The following TMEM74 variants were observed in gnomAD, a reference collection of about 807,000 sequenced individuals.
TMEM74 encodes the protein transmembrane protein 74.
TMEM74 carries 13 observed loss-of-function variants against 18.1 expected under a neutral mutation model. That is an observed-to-expected ratio of 0.72 (90% CI 0.47 to 1.14). TMEM74 has a LOEUF of 1.14. Ranked by LOEUF, TMEM74 falls within the 50% of genes most tolerant of loss-of-function variation. The probability of loss-of-function intolerance (pLI) is 0.00; values close to 1 mark genes in which losing one functional copy is unlikely to be tolerated. For missense variants in TMEM74, 372 were observed against 375.9 expected (o/e 0.99, Z 0.09); for synonymous variants, 159 against 146.6 (o/e 1.08, Z -0.61).
intron 1 of TMEM74, among the ~76,000 whole-genome samples, chr8:108,752,851 T>C (rs2130654039): frequency 1.3e-5 from 2 of 152,246 alleles, no homozygotes; most frequent in Middle Eastern, 6.8e-3. Flanking sequence ...AGAAATGTCT[T>C]TCTTGTCAGT....
intron 1 of TMEM74, among the ~76,000 whole-genome samples, chr8:108,760,845 C>A (rs1219517144): frequency 1.3e-5 from 2 of 151,854 alleles, no homozygotes; most frequent in African/African-American, 2.4e-5. Flanking sequence ...ATCTGCCAGG[C>A]AGAAGGGAAA....
chr8:108,629,753 G>T (rs1451152292), intron 2 of TMEM74, among the ~76,000 whole-genome samples: 1 of 151,964 alleles, frequency 6.6e-6, no homozygotes, highest in Admixed American at 6.6e-5. Flanking sequence ...AAGCAAAGGA[G>T]AAATAAAATC....
chr8:108,665,830 T>C (rs1393695865), intron 1 of TMEM74, among the ~76,000 whole-genome samples: 1 of 152,144 alleles, frequency 6.6e-6, no homozygotes. Flanking sequence ...ATGGAGAAGT[T>C]GTTCTAAAGG....
chr8:108,733,017 A>G (rs1813711079), intron 1 of TMEM74, among the ~76,000 whole-genome samples: 1 of 152,144 alleles, frequency 6.6e-6, no homozygotes, highest in Non-Finnish European at 1.5e-5. Context: ...CATTTTAGAG[A>G]ATGTGGAGCA....
intron 1 of TMEM74, among the ~76,000 whole-genome samples, chr8:108,755,690 C>A (rs1405311655): frequency 6.6e-6 from 1 of 151,948 alleles, no homozygotes; most frequent in Non-Finnish European, 1.5e-5. Context: ...ATTGTGAATT[C>A]TGATAATGAT....
intron 2 of TMEM74, among the ~76,000 whole-genome samples, chr8:108,636,523 T>A (rs1812607861): frequency 6.6e-6 from 1 of 152,068 alleles, no homozygotes; most frequent in South Asian, 2.1e-4. Context: ...TTAATTCAAC[T>A]CTCCTTGGGA....
intron 1 of TMEM74, among the ~76,000 whole-genome samples, chr8:108,728,007 A>G (rs1213988885): frequency 1.3e-5 from 2 of 152,236 alleles, no homozygotes; most frequent in Non-Finnish European, 2.9e-5. Flanking sequence ...GGAGTTAGCA[A>G]TGCAGAGTCA....
chr8:108,695,632 C>A (rs893491299), intron 1 of TMEM74, among the ~76,000 whole-genome samples: 1 of 152,184 alleles, frequency 6.6e-6, no homozygotes, highest in African/African-American at 2.4e-5. Flanking sequence ...TAGCCCATTA[C>A]AAAGCCCATG....
At chr8:108,670,935 A>C (rs1011423644) in intron 1 of TMEM74, among the ~76,000 whole-genome samples, 1 of 152,204 alleles carries the variant, frequency 6.6e-6, no homozygotes, top group African/African-American at 2.4e-5. Context: ...AATTGTGCTC[A>C]TTAATAATAA....
intron 1 of TMEM74, among the ~76,000 whole-genome samples, 182 bp from the exon 2 acceptor site, chr8:108,785,319 C>T (rs1814371359): frequency 6.6e-6 from 1 of 152,192 alleles, no homozygotes; most frequent in Admixed American, 6.5e-5. Flanking sequence ...GGGACAAATG[C>T]TCTCACTTGT....
At chr8:108,777,985 A>G (rs182088910), downstream of TMEM74, among the ~76,000 whole-genome samples, 99 of 151,996 alleles carry the variant, frequency 6.5e-4, no homozygotes, top group Admixed American at 1.4e-3. Context: ...AATTGTGACA[A>G]TTTTTTTTTA....
At position 108,671,340 on chromosome 8, in the gene TMEM74, C is replaced by A. The variant is rs144982413; in HGVS notation, n.120-15903G>T. ...AGACAACAGGATTTTCACTTTGCCA[C>A]ATTGCCCATGGAGCTGTACCACCCT... is the stretch of plus-strand genomic sequence containing the variant. On this transcript the variant is annotated intron_variant and non_coding_transcript_variant, in intron 1 of 3. Transcript: ENST00000518838. Among the ~76,000 whole-genome samples, 7 of 152,314 alleles carry A rather than the reference C, an allele frequency of 4.6e-5. No individual in the cohort carries two copies. The East Asian group carries it at 1.3e-3, about 29-fold the overall frequency.
chr8:108,691,791 T>G (rs1374592536), intron 1 of TMEM74, among the ~76,000 whole-genome samples: 5 of 152,148 alleles, frequency 3.3e-5, no homozygotes, highest in Admixed American at 3.3e-4. Context: ...ACCAAATGGA[T>G]ATAGGAGACA....
intron 1 of TMEM74, among the ~76,000 whole-genome samples, chr8:108,685,923 G>A (rs1813163159): frequency 1.3e-5 from 2 of 151,952 alleles, no homozygotes; most frequent in South Asian, 4.2e-4. Context: ...GAATGTGTAA[G>A]GTTTTTATAG....
At chr8:108,715,386 C>A (rs1813513374) in intron 1 of TMEM74, among the ~76,000 whole-genome samples, 1 of 151,734 alleles carries the variant, frequency 6.6e-6, no homozygotes, top group Non-Finnish European at 1.5e-5. Context: ...ACTCAGGTAA[C>A]AAACTTGCAC....
At chr8:108,635,632 C>T (rs573723503) in intron 2 of TMEM74, among the ~76,000 whole-genome samples, 1 of 152,172 alleles carries the variant, frequency 6.6e-6, no homozygotes, top group East Asian at 1.9e-4. Flanking sequence ...TCTCTCCTCA[C>T]TTAGAAGGTT....
At chr8:108,609,745 C>G (rs906148219) in intron 2 of TMEM74, among the ~76,000 whole-genome samples, 1 of 152,194 alleles carries the variant, frequency 6.6e-6, no homozygotes, top group African/African-American at 2.4e-5. Context: ...TTCCTAAACC[C>G]TATTTAGTAA....
chr8:108,762,992 T>C (rs1346001257), intron 1 of TMEM74, among the ~76,000 whole-genome samples: 1 of 152,170 alleles, frequency 6.6e-6, no homozygotes, highest in Non-Finnish European at 1.5e-5. Context: ...TAGCAATCAA[T>C]AAAAATTATT....
At chr8:108,616,941 T>A (rs1184469245) in intron 2 of TMEM74, among the ~76,000 whole-genome samples, 2 of 151,524 alleles carry the variant, frequency 1.3e-5, no homozygotes, top group African/African-American at 4.8e-5. Context: ...ATAGTGACTA[T>A]ATTATATATA....
Sources: allele counts gnomAD v4.1 joint callset (sites outside exome capture counted in the v4.1 genomes callset), GRCh38; gene constraint gnomAD v4.1.1; transcripts MANE v1.5; gene names NCBI Gene and HGNC (gene_info 2026-07-23, HGNC 2026-07-21).